The following DGKB variants were observed in gnomAD, a reference collection of about 807,000 sequenced individuals.
DGKB encodes the protein diacylglycerol kinase beta.
DGKB carries 67 observed loss-of-function variants against 114.3 expected under a neutral mutation model. The observed-to-expected ratio is 0.59, with a 90% CI of 0.48 to 0.72. The LOEUF (loss-of-function observed/expected upper bound fraction) is 0.72, where lower values mean the gene tolerates loss of function less well. Ranked by LOEUF, DGKB falls within the 30% of genes least tolerant of loss-of-function variation. The pLI is 0.00. For synonymous variants in DGKB, 398 were observed against 323.1 expected, an observed-to-expected ratio of 1.23 and a Z score of -2.49; for missense variants, 907 against 975.2, an observed-to-expected ratio of 0.93 and a Z score of 0.93.
At chr7:14,540,780 A>G (rs1793292635) in intron 20 of DGKB, among the ~76,000 whole-genome samples, 3 of 152,336 alleles carry the variant, frequency 2.0e-5, no homozygotes, top group Admixed American at 2.0e-4. Context: ...TATTTAAAAC[A>G]CATAAGCAGT....
intron 1 of DGKB, among the ~76,000 whole-genome samples, chr7:14,887,854 G>A (rs575194912): frequency 6.6e-6 from 1 of 151,708 alleles, no homozygotes; most frequent in African/African-American, 2.4e-5. Context: ...AACAGCACCT[G>A]GCATCAAGTA....
rs1256282472 is a variant in DGKB, at chr7:14,891,222, T to C, written c.-188+11370A>G. The stretch of plus-strand genomic sequence containing the variant: ...AAACTCTATATATACTACAATATAG[T>C]GCATTTCAGAGAATGAAGAAGATAG... On this transcript the variant is annotated intron_variant, in intron 1 of 25. Coordinates refer to ENST00000402815, the MANE Select transcript of DGKB (RefSeq NM_001350709.2). Among the ~76,000 whole-genome samples the C allele has an allele frequency of 2.6e-5, 4 of 151,360 alleles. No individual in the cohort carries two copies. In the Admixed American group the frequency reaches 2.6e-4, roughly 10 times the overall value.
chr7:14,911,102 A>T (rs1783980342), intron 1 of DGKB, among the ~76,000 whole-genome samples: 1 of 152,100 alleles, frequency 6.6e-6, no homozygotes, highest in South Asian at 2.1e-4. Context: ...TGACCTTACA[A>T]TGTATACATG....
At chr7:14,744,926 A>G (rs761792525) in intron 4 of DGKB, among the ~76,000 whole-genome samples, 2 of 152,202 alleles carry the variant, frequency 1.3e-5, no homozygotes, top group African/African-American at 2.4e-5. Context: ...AACAAAAGGC[A>G]TGGGTAATGT....
At chr7:14,265,937 A>G (rs1458474741) in intron 23 of DGKB, among the ~76,000 whole-genome samples, 1 of 152,270 alleles carries the variant, frequency 6.6e-6, no homozygotes, top group East Asian at 1.9e-4. Context: ...CTTTACTGCA[A>G]GGGGGTTATA....
intron 20 of DGKB, among the ~76,000 whole-genome samples, chr7:14,499,406 A>G (rs1387445754): frequency 7.0e-6 from 1 of 141,994 alleles, no homozygotes; most frequent in Admixed American, 6.8e-5. Flanking sequence ...ATTCTTCAAA[A>G]GAAATATGGG....
intron 22 of DGKB, among the ~76,000 whole-genome samples, chr7:14,343,108 G>T (rs185631175): frequency 2.7e-5 from 4 of 149,562 alleles, no homozygotes; most frequent in African/African-American, 9.8e-5. Flanking sequence ...TAATATGATA[G>T]ACAGGATTCA....
intron 1 of DGKB, among the ~76,000 whole-genome samples, chr7:14,874,012 C>T (rs1852878439): frequency 6.6e-6 from 1 of 151,986 alleles, no homozygotes; most frequent in South Asian, 2.1e-4. Context: ...AATTTTAAAA[C>T]ATTTTTAGTA....
intron 23 of DGKB, among the ~76,000 whole-genome samples, chr7:14,290,269 T>C (rs558112387): frequency 6.6e-6 from 1 of 152,208 alleles, no homozygotes; most frequent in African/African-American, 2.4e-5. Flanking sequence ...TCCCTCTTGA[T>C]GAAAGACATA....
chr7:14,226,069 A>T (rs1790756691), intron 23 of DGKB, among the ~76,000 whole-genome samples: 4 of 152,008 alleles, frequency 2.6e-5, no homozygotes, highest in Admixed American at 2.6e-4. Context: ...ATTTAGCTAT[A>T]GATATCCAAG....
chr7:14,227,287 C>A (rs1032772792), intron 23 of DGKB, among the ~76,000 whole-genome samples: 2 of 152,064 alleles, frequency 1.3e-5, no homozygotes, highest in Admixed American at 6.6e-5. Context: ...GCACACCACA[C>A]TGTAAATTGA....
rs188797636 is a variant in DGKB at position 14,162,783 on chromosome 7, T to C, written c.2305-13545A>G. ...TTTGGGATGGAAAACATTTAAAATA[T>C]GCTATGACAAGAAAAAAATCTTTAA... On this transcript the variant is annotated intron_variant, in intron 25 of 25. Coordinates refer to ENST00000402815, the MANE Select transcript of DGKB (RefSeq NM_001350709.2). Among the ~76,000 whole-genome samples, 284 of 152,306 alleles carry C rather than the reference T, an allele frequency of 1.9e-3. 2 individuals are homozygous for C. The highest frequency in any genetic ancestry group is 6.7e-3 in the African/African-American group (279 of 41,578).
intron 1 of DGKB, among the ~76,000 whole-genome samples, chr7:14,936,914 C>T (rs910926727): frequency 6.6e-6 from 1 of 151,694 alleles, no homozygotes; most frequent in Admixed American, 6.6e-5. Flanking sequence ...TCAGGGTGGT[C>T]CCTGCCCCGT....
intron 14 of DGKB, among the ~76,000 whole-genome samples, chr7:14,622,967 T>A (rs1807921644): frequency 1.3e-5 from 2 of 152,152 alleles, no homozygotes; most frequent in South Asian, 4.1e-4. Flanking sequence ...CATCAATTAT[T>A]ACAACCTAAA....
At chr7:14,893,698 G>C (rs540071320) in intron 1 of DGKB, among the ~76,000 whole-genome samples, 1 of 151,406 alleles carries the variant, frequency 6.6e-6, no homozygotes, top group East Asian at 1.9e-4. Context: ...AAAGAATAAT[G>C]ATTTCTAGGT....
At chr7:14,376,277 TC>T (rs1315762236) in intron 21 of DGKB, among the ~76,000 whole-genome samples, 1 of 152,210 alleles carries the variant, frequency 6.6e-6, no homozygotes, top group East Asian at 1.9e-4. Context: ...TTCACCAAGA[TC>T]ACCTGCTGTG....
chr7:14,748,150 C>T (rs1833622792), intron 4 of DGKB, among the ~76,000 whole-genome samples: 1 of 152,124 alleles, frequency 6.6e-6, no homozygotes, highest in African/African-American at 2.4e-5. Context: ...GTTCTTTGAG[C>T]ACCCACTCTG....
At position 14,382,447 on chromosome 7, in the gene DGKB, C is replaced by A. The variant is rs1819641191; in HGVS notation, c.1836-37056G>T. On this transcript the variant is annotated intron_variant, in intron 21 of 25. Coordinates refer to ENST00000402815, the MANE Select transcript of DGKB (RefSeq NM_001350709.2). ...TTTTCAGTGCTTACATATGTGCATG[C>A]CTGTACACACACACACACACAGACA... 3.3e-5 allele frequency among the ~76,000 whole-genome samples: 3 copies of A among 89,952 alleles called. No homozygotes were observed. In the South Asian group the frequency reaches 1.1e-3, roughly 33 times the overall value. 59.0% of individuals were successfully genotyped at this position (89,952 alleles called of 152,430 possible).
At chr7:14,741,123 A>G (rs1441718214) in intron 4 of DGKB, among the ~76,000 whole-genome samples, 1 of 152,078 alleles carries the variant, frequency 6.6e-6, no homozygotes, top group African/African-American at 2.4e-5. Flanking sequence ...ATACTACAGG[A>G]CACTCCTCTC....
Sources: allele counts gnomAD v4.1 joint callset (sites outside exome capture counted in the v4.1 genomes callset), GRCh38; gene constraint gnomAD v4.1.1; transcripts MANE v1.5; gene names NCBI Gene and HGNC (gene_info 2026-07-23, HGNC 2026-07-21).